Variants in RBMS3 observed in about 807,000 individuals in gnomAD.
RBMS3 encodes RNA binding motif single stranded interacting protein 3.
RBMS3 carries 27 observed loss-of-function variants against 66.8 expected under a neutral mutation model. That is an observed-to-expected ratio of 0.40 (90% CI 0.30 to 0.56). The LOEUF is 0.56. RBMS3 is among the 20% of genes least tolerant of loss of function. The pLI, the probability that RBMS3 is intolerant of heterozygous loss-of-function variation, is 0.40. For missense variants in RBMS3, 513 were observed against 549.5 expected (o/e 0.93, Z 0.66); for synonymous variants, 188 against 183.0 (o/e 1.03, Z -0.22).
rs200997680 is a variant in RBMS3, at chr3:29,801,272, C to CTTT, written c.637+38294_637+38296dup. On this transcript the variant is annotated intron_variant, in intron 6 of 14. Coordinates refer to ENST00000383767, the MANE Select transcript of RBMS3 (RefSeq NM_001003793.3). ...AACTTGAAGAATCATTGCTTTTTTT[C>CTTT]TTTTTTTTTTTTTGAGACAAAGTCT... is the stretch of plus-strand genomic sequence containing the variant. Among the ~76,000 whole-genome samples the CTTT allele has an allele frequency of 2.4e-4, 31 of 129,278 alleles. 3 individuals are homozygous for CTTT. The highest frequency in any genetic ancestry group is 3.9e-4 in the African/African-American group (13 of 33,240). 84.8% of individuals were successfully genotyped at this position (129,278 alleles called of 152,430 possible). A position where few individuals can be genotyped will look rare whatever the true frequency, so the allele number is the denominator to read the frequency against.
At chr3:29,684,779 TACACACACACACACACACACAC>T (rs10570309) in intron 4 of RBMS3, among the ~76,000 whole-genome samples, 1 of 145,660 alleles carries the variant, frequency 6.9e-6, no homozygotes, top group Non-Finnish European at 1.5e-5. Flanking sequence ...GTTTGTTATG[TACACACACACACACACACACAC>T]ACACACACAC....
At chr3:29,435,798 C>T (rs2041376153) in intron 2 of RBMS3, among the ~76,000 whole-genome samples, 1 of 152,006 alleles carries the variant, frequency 6.6e-6, no homozygotes, top group South Asian at 2.1e-4. Flanking sequence ...CACGGTGAAA[C>T]CCCATCTCTA....
At chr3:29,998,729 C>T (rs1699417890) in intron 14 of RBMS3, among the ~76,000 whole-genome samples, 1 of 152,148 alleles carries the variant, frequency 6.6e-6, no homozygotes, top group Admixed American at 6.5e-5. Flanking sequence ...AAAGCTGAAA[C>T]TGGATCCCTT....
chr3:29,613,143 C>T (rs1184426092), intron 4 of RBMS3, among the ~76,000 whole-genome samples: 1 of 152,084 alleles, frequency 6.6e-6, no homozygotes, highest in Non-Finnish European at 1.5e-5. Flanking sequence ...AATAATACTG[C>T]AATGAACATG....
chr3:29,816,732 T>C (rs761484506), intron 6 of RBMS3, among the ~76,000 whole-genome samples: 21 of 152,176 alleles, frequency 1.4e-4, no homozygotes, highest in Non-Finnish European at 2.9e-4. Context: ...AGAAAACTTT[T>C]GTGAGTCAAA....
chr3:29,690,228 T>C (rs923152642), intron 4 of RBMS3, among the ~76,000 whole-genome samples: 4 of 152,066 alleles, frequency 2.6e-5, no homozygotes, highest in Non-Finnish European at 5.9e-5. Flanking sequence ...AGTGGGAGGA[T>C]TGCTTGAGCC....
At chr3:29,805,471 G>A (rs2057518500) in intron 6 of RBMS3, among the ~76,000 whole-genome samples, 1 of 152,016 alleles carries the variant, frequency 6.6e-6, no homozygotes, top group South Asian at 2.1e-4. Context: ...TTCAGAAGAA[G>A]TCATTGTTAT....
At chr3:29,490,211 T>C (rs1459336193) in intron 3 of RBMS3, among the ~76,000 whole-genome samples, 1 of 151,684 alleles carries the variant, frequency 6.6e-6, no homozygotes, top group African/African-American at 2.4e-5. Context: ...AAAATATGAT[T>C]CTGCAGGTGT....
In RBMS3 at chr3:29,935,479, TATAG is replaced by T. The variant is rs777518736; in HGVS notation, c.940-597_940-594del. Among the ~76,000 whole-genome samples, 5 of 152,210 alleles carry T rather than the reference TATAG, an allele frequency of 3.3e-5. No homozygotes were observed. The South Asian group carries it at 8.3e-4, about 25-fold the overall frequency. On this transcript the variant is annotated intron_variant, in intron 10 of 14. Coordinates refer to ENST00000383767, the MANE Select transcript of RBMS3 (RefSeq NM_001003793.3). ...TTGGTATTCTGTCTTGTGTCTAAAA[TATAG>T]ATAGATAGAAAACAGGTCAAAAGGT...
chr3:29,639,589 T>TAGAGAGAGAGAG (rs1216382179), intron 4 of RBMS3, among the ~76,000 whole-genome samples: 2 of 113,916 alleles, frequency 1.8e-5, no homozygotes, highest in East Asian at 7.1e-4. Context: ...AGATAGAAGA[T>TAGAGAGAGAGAG]AGACAGAGAG....
At chr3:29,615,721 T>C (rs1576365453) in intron 4 of RBMS3, among the ~76,000 whole-genome samples, 1 of 152,162 alleles carries the variant, frequency 6.6e-6, no homozygotes, top group Non-Finnish European at 1.5e-5. Flanking sequence ...GCAACGAATA[T>C]AGAGTTCCAT....
intron 6 of RBMS3, among the ~76,000 whole-genome samples, chr3:29,816,698 T>C (rs1393838607): frequency 1.3e-5 from 2 of 152,116 alleles, no homozygotes; most frequent in Non-Finnish European, 1.5e-5. Flanking sequence ...AAGTGACCCA[T>C]AGAAAATAGT....
At chr3:29,892,950 A>T (rs955175851) in intron 8 of RBMS3, among the ~76,000 whole-genome samples, 3 of 151,280 alleles carry the variant, frequency 2.0e-5, no homozygotes, top group African/African-American at 7.3e-5. Context: ...TTGGAAACAC[A>T]TTCTGCAGTT....
chr3:29,639,570 A>G (rs1053705139), intron 4 of RBMS3, among the ~76,000 whole-genome samples: 1 of 149,798 alleles, frequency 6.7e-6, no homozygotes, highest in Non-Finnish European at 1.5e-5. Context: ...AATATACACT[A>G]TAGATGATAG....
intron 1 of RBMS3, among the ~76,000 whole-genome samples, chr3:29,417,293 A>G (rs2040519357): frequency 6.6e-6 from 1 of 152,084 alleles, no homozygotes; most frequent in South Asian, 2.1e-4. Flanking sequence ...GGTCTCCAAC[A>G]TTGTATAAAC....
chr3:29,352,476 A>T (rs915570667), intron 1 of RBMS3, among the ~76,000 whole-genome samples: 2 of 152,070 alleles, frequency 1.3e-5, no homozygotes, highest in South Asian at 4.1e-4. Flanking sequence ...CTGATACATG[A>T]TACATATTTA....
intron 3 of RBMS3, among the ~76,000 whole-genome samples, chr3:29,539,511 C>A (rs2045685038): frequency 6.6e-6 from 1 of 152,166 alleles, no homozygotes; most frequent in South Asian, 2.1e-4. Context: ...CAGCTTATTA[C>A]ATCTAATCTT....
At chr3:29,683,124 C>T (rs547679689) in intron 4 of RBMS3, among the ~76,000 whole-genome samples, 134 of 152,260 alleles carry the variant, frequency 8.8e-4, no homozygotes, top group Non-Finnish European at 1.7e-3. Context: ...TACTACCCGG[C>T]TTCCTACATA....
intron 12 of RBMS3, among the ~76,000 whole-genome samples, chr3:29,951,954 A>G (rs1475193425): frequency 1.3e-5 from 2 of 151,838 alleles, no homozygotes; most frequent in Admixed American, 6.6e-5. Context: ...AATTATTATC[A>G]TATGTGTTTT....
Sources: allele counts gnomAD v4.1 joint callset (sites outside exome capture counted in the v4.1 genomes callset), GRCh38; gene constraint gnomAD v4.1.1; transcripts MANE v1.5; gene names NCBI Gene and HGNC (gene_info 2026-07-23, HGNC 2026-07-21).